GNG4: variants seen among roughly 807,000 people sequenced by gnomAD.
GNG4 encodes the protein guanine nucleotide-binding protein G(I)/G(S)/G(O) subunit gamma-4.
A neutral mutation model predicts 5.8 loss-of-function variants in GNG4; 4 were observed. The observed-to-expected ratio is 0.69, with a 90% CI of 0.34 to 1.57. The LOEUF is 1.57. GNG4 is among the 40% of genes most tolerant of loss of function. GNG4 has a pLI of 0.06. For synonymous variants in GNG4, 29 were observed against 32.9 expected (o/e 0.88, Z 0.41); for missense variants, 96 against 95.1 (o/e 1.01, Z -0.04).
At chr1:235,580,061 C>T (rs1418856985) in intron 3 of GNG4, among the ~76,000 whole-genome samples, 2 of 152,110 alleles carry the variant, frequency 1.3e-5, no homozygotes, top group South Asian at 2.1e-4. Flanking sequence ...TCTATCCATG[C>T]AATGGAATAC....
At chr1:235,552,276 C>G in intron 3 of GNG4, 39 bp from the exon 4 acceptor site, 1 of 1,605,948 alleles carries the variant, frequency 6.2e-7, no homozygotes, top group Non-Finnish European at 8.5e-7. Flanking sequence ...GTTAAAGGCC[C>G]CTTTGCAGAG....
intron 1 of GNG4, among the ~76,000 whole-genome samples, chr1:235,620,018 A>G (rs1179518047): frequency 6.6e-6 from 1 of 152,244 alleles, no homozygotes; most frequent in African/African-American, 2.4e-5. Flanking sequence ...GCACAGCTAT[A>G]TTAAGAAATT....
chr1:235,581,098 G>A (rs1687622716), intron 3 of GNG4, among the ~76,000 whole-genome samples: 1 of 152,078 alleles, frequency 6.6e-6, no homozygotes, highest in Non-Finnish European at 1.5e-5. Flanking sequence ...GATATGGTTT[G>A]GATCTGTGTC....
intron 3 of GNG4, among the ~76,000 whole-genome samples, chr1:235,553,422 T>A (rs1204466330): frequency 6.6e-6 from 1 of 152,142 alleles, no homozygotes; most frequent in Non-Finnish European, 1.5e-5. Flanking sequence ...TCAAATGAAA[T>A]CCTTTTAGTA....
At position 235,648,987 on chromosome 1, in the gene GNG4, T is replaced by C. The variant is rs909744665; in HGVS notation, c.-123+675A>G. On this transcript the variant is annotated intron_variant, in intron 1 of 3. Coordinates refer to ENST00000391854, the MANE Select transcript of GNG4 (RefSeq NM_001098722.2). The surrounding 1 kb of genome is among the most constrained non-coding windows in gnomAD (Gnocchi z 5.0). ...CACCCTCCCGCCGTTTCGCGTTATT[T>C]CCAAGGCAATTTAAAAAATCAAGCC... 1.3e-5 allele frequency among the ~76,000 whole-genome samples: 2 copies of C among 152,140 alleles called. No homozygotes were observed. Among genetic ancestry groups the C allele is most frequent in the Non-Finnish European group, 2.9e-5 (2 of 68,028 alleles).
At position 235,547,700 on chromosome 1, in the gene GNG4, C is replaced by T. The variant is rs891345074; in HGVS notation, c.*4409G>A. 6.6e-6 allele frequency: 1 copy of T among 152,066 alleles called. No individual in the cohort carries two copies. Among genetic ancestry groups the T allele is most frequent in the African/African-American group, 2.4e-5 (1 of 41,396 alleles). 9.4% of individuals were successfully genotyped at this position (152,066 alleles called of 1,614,324 possible). The stretch of plus-strand genomic sequence containing the variant: ...GGATTCTTGATTGCTAGTCACAAAG[C>T]CCAACTTTTTATTGAAGTATAACAT... On this transcript the variant is annotated 3_prime_UTR_variant, in exon 4 of 4. Coordinates refer to ENST00000391854, the MANE Select transcript of GNG4 (RefSeq NM_001098722.2).
chr1:235,628,376 A>C (rs1688862754), intron 1 of GNG4, among the ~76,000 whole-genome samples: 1 of 151,120 alleles, frequency 6.6e-6, no homozygotes. Flanking sequence ...CCCTCTCTGC[A>C]AGCTGGGGTG....
chr1:235,573,257 CAT>C (rs1293173075), intron 3 of GNG4, among the ~76,000 whole-genome samples: 1 of 144,050 alleles, frequency 6.9e-6, no homozygotes, highest in Non-Finnish European at 1.5e-5. Flanking sequence ...TGTTCTCACT[CAT>C]AGGTGGGAAT....
intron 1 of GNG4, among the ~76,000 whole-genome samples, chr1:235,645,660 G>A (rs541876946): frequency 2.0e-5 from 3 of 152,078 alleles, no homozygotes; most frequent in East Asian, 1.9e-4. Flanking sequence ...AGCCGGGCGC[G>A]GTGGCACATG....
intron 3 of GNG4, among the ~76,000 whole-genome samples, chr1:235,558,705 T>C (rs1436177758): frequency 6.6e-6 from 1 of 152,232 alleles, no homozygotes; most frequent in Non-Finnish European, 1.5e-5. Context: ...GAGAAAATCT[T>C]ATTCTGGTAG....
chr1:235,631,579 T>C (rs1358445550), intron 1 of GNG4, among the ~76,000 whole-genome samples: 3 of 151,636 alleles, frequency 2.0e-5, no homozygotes, highest in Non-Finnish European at 4.4e-5. Context: ...TTCTTTCTTT[T>C]TTTTTTTTTC....
At chr1:235,572,574 T>C (rs1406292044) in intron 3 of GNG4, among the ~76,000 whole-genome samples, 3 of 149,252 alleles carry the variant, frequency 2.0e-5, no homozygotes, top group Non-Finnish European at 4.4e-5. Context: ...TGTTCTCAGC[T>C]CACTGCAACC....
At chr1:235,617,792 T>C (rs1303953193) in intron 1 of GNG4, among the ~76,000 whole-genome samples, 3 of 150,194 alleles carry the variant, frequency 2.0e-5, no homozygotes, top group Non-Finnish European at 3.0e-5. Flanking sequence ...GGCTGAGGCA[T>C]GAGAATTGCT....
chr1:235,568,793 C>CTTTTTT (rs10625498), intron 3 of GNG4, among the ~76,000 whole-genome samples: 1 of 144,632 alleles, frequency 6.9e-6, no homozygotes. Flanking sequence ...TTTTTCTTTC[C>CTTTTTT]TTTTTTTTTT....
At chr1:235,626,231 C>T (rs1427170064) in intron 1 of GNG4, among the ~76,000 whole-genome samples, 1 of 152,126 alleles carries the variant, frequency 6.6e-6, no homozygotes, top group Non-Finnish European at 1.5e-5. Flanking sequence ...TGGTAAGATG[C>T]CTTTTCAAAA....
chr1:235,611,326 C>A (rs1190220596), intron 1 of GNG4, among the ~76,000 whole-genome samples: 1 of 152,056 alleles, frequency 6.6e-6, no homozygotes, highest in South Asian at 2.1e-4. Context: ...TGCCACCATG[C>A]TGGACTAATT....
chr1:235,604,933 G>A (rs1688328267), intron 1 of GNG4, among the ~76,000 whole-genome samples: 1 of 152,146 alleles, frequency 6.6e-6, no homozygotes, highest in African/African-American at 2.4e-5. Context: ...GGCTGTGGGA[G>A]AGGAATGTAT....
chr1:235,620,592 G>C (rs1467748339), intron 1 of GNG4, among the ~76,000 whole-genome samples: 2 of 152,096 alleles, frequency 1.3e-5, no homozygotes, highest in East Asian at 2.0e-4. Context: ...CTGGAGTGCA[G>C]TGGCGTGATC....
In GNG4 at chr1:235,626,958, C is replaced by CAAAAAAA. The variant is rs776506587; in HGVS notation, c.-123+22697_-123+22703dup. Among the ~76,000 whole-genome samples, 83 of 77,356 alleles carry CAAAAAAA rather than the reference C, an allele frequency of 1.1e-3. 4 individuals are homozygous for CAAAAAAA. The highest frequency in any genetic ancestry group is 1.6e-3 in the Non-Finnish European group (66 of 40,322). The allele number at this position is 77,356 out of a possible 152,430, so 50.7% of individuals were successfully genotyped here. On this transcript the variant is annotated intron_variant, in intron 1 of 3. Transcript: ENST00000391854. The stretch of plus-strand genomic sequence containing the variant: ...TGGGTGACAGAGTGAGACTCTATCT[C>CAAAAAAA]AAAAAAAAAAAAAAAAAAAAAAAAA...
Sources: allele counts gnomAD v4.1 joint callset (sites outside exome capture counted in the v4.1 genomes callset), GRCh38; gene constraint gnomAD v4.1.1; non-coding constraint Gnocchi (gnomAD v3.1); transcripts MANE v1.5; gene names NCBI Gene and HGNC (gene_info 2026-07-23, HGNC 2026-07-21).